Variants in CRYZL1 observed in about 807,000 individuals in gnomAD.
CRYZL1 encodes crystallin zeta like 1.
CRYZL1 carries 34 observed loss-of-function variants against 50.6 expected under a neutral mutation model. That is an observed-to-expected ratio of 0.67 (90% CI 0.51 to 0.89). CRYZL1 has a LOEUF of 0.89. Ranked by LOEUF, CRYZL1 falls within the 40% of genes least tolerant of loss-of-function variation. The pLI is 0.00. For synonymous variants in CRYZL1, 125 were observed against 134.3 expected (o/e 0.93, Z 0.48); for missense variants, 354 against 402.3 (o/e 0.88, Z 1.03).
At chr21:33,625,310 C>T (rs1368013651) in intron 2 of CRYZL1, among the ~76,000 whole-genome samples, 51 of 152,100 alleles carry the variant, frequency 3.4e-4, no homozygotes, top group African/African-American at 1.2e-3. Flanking sequence ...CACCCGCCAC[C>T]ATGCCCAGCT....
intron 6 of CRYZL1, among the ~76,000 whole-genome samples, chr21:33,603,992 C>A (rs2086783539): frequency 6.6e-6 from 1 of 152,202 alleles, no homozygotes; most frequent in South Asian, 2.1e-4. Flanking sequence ...GTGGCTCACG[C>A]CTGTAATCCC....
intron 6 of CRYZL1, among the ~76,000 whole-genome samples, chr21:33,612,845 T>G (rs80098044): frequency 6.6e-6 from 1 of 152,144 alleles, no homozygotes; most frequent in Non-Finnish European, 1.5e-5. Flanking sequence ...TCTTTTTTTT[T>G]CTTTTTTGAG....
rs1217062963 is a variant in CRYZL1, at chr21:33,620,902, C to CTTTT, written c.217+1090_217+1093dup. Among the ~76,000 whole-genome samples, 122 of 69,128 alleles carry CTTTT rather than the reference C, an allele frequency of 1.8e-3. 5 individuals are homozygous for CTTTT. The highest frequency in any genetic ancestry group is 1.9e-3 in the Non-Finnish European group (73 of 38,504). The allele number at this position is 69,128 out of a possible 152,430, so 45.4% of individuals were successfully genotyped here. The stretch of plus-strand genomic sequence containing the variant: ...TACCCGTAGACCAGGGGTGTCCAAT[C>CTTTT]TTTTTTTTTTTTTTTTTTTTTTTGA... On this transcript the variant is annotated intron_variant, in intron 4 of 12. Coordinates refer to ENST00000381554, the MANE Select transcript of CRYZL1 (RefSeq NM_145858.3).
chr21:33,639,042 AAGAT>A (rs1158742976), intron 1 of CRYZL1, among the ~76,000 whole-genome samples: 2 of 152,230 alleles, frequency 1.3e-5, no homozygotes, highest in African/African-American at 4.8e-5. Flanking sequence ...TTGAGATCTA[AAGAT>A]AGATAAAGGA....
intron 5 of CRYZL1, among the ~76,000 whole-genome samples, chr21:33,614,454 A>T (rs143292528): frequency 6.6e-6 from 1 of 152,320 alleles, no homozygotes; most frequent in Non-Finnish European, 1.5e-5. Context: ...ACACCACTGC[A>T]CTCCAGCCTG....
At chr21:33,597,549 C>T in intron 9 of CRYZL1, 148 bp from the exon 10 acceptor site, 1 of 625,090 alleles carries the variant, frequency 1.6e-6, no homozygotes, top group Non-Finnish European at 2.8e-6. Flanking sequence ...TCCAGCAATC[C>T]TCCAGCCTCA....
chr21:33,613,948 G>A (rs1189588328), intron 5 of CRYZL1, among the ~76,000 whole-genome samples: 1 of 152,118 alleles, frequency 6.6e-6, no homozygotes, highest in Non-Finnish European at 1.5e-5. Flanking sequence ...CGAGGCAGGT[G>A]AATCATGAGG....
chr21:33,618,307 A>AG (rs1212238152), intron 4 of CRYZL1, among the ~76,000 whole-genome samples: 2 of 151,586 alleles, frequency 1.3e-5, no homozygotes, highest in Non-Finnish European at 2.9e-5. Flanking sequence ...AAAAAAAAAA[A>AG]AGAAATGATA....
chr21:33,591,128 A>C, intron 12 of CRYZL1, 34 bp downstream of exon 12: 1 of 1,549,342 alleles, frequency 6.5e-7, no homozygotes. Flanking sequence ...ATAGAAAAAC[A>C]AACAAGAACA....
intron 7 of CRYZL1, 129 bp from the exon 8 acceptor site, chr21:33,602,474 A>G: frequency 2.2e-6 from 1 of 445,596 alleles, no homozygotes; most frequent in South Asian, 5.1e-5. Context: ...AATGTTATCT[A>G]ATAGGAAAAG....
intron 4 of CRYZL1, among the ~76,000 whole-genome samples, chr21:33,618,276 G>A (rs1383346913): frequency 6.0e-5 from 7 of 116,190 alleles, no homozygotes; most frequent in Non-Finnish European, 9.7e-5. Flanking sequence ...GTGACAGAGC[G>A]AGACTCCGTC....
Position 33,597,904 on chromosome 21 carries a change from G to A in CRYZL1, c.677-503C>T, listed in dbSNP as rs533032281. Among the ~76,000 whole-genome samples the A allele has an allele frequency of 4.3e-3, 651 of 152,158 alleles. 6 individuals carry two copies. Among genetic ancestry groups the A allele is most frequent in the African/African-American group, 0.015 (616 of 41,520 alleles). ...GCTGGGATTACAGGCATGAGCCACA[G>A]CACCCAGCCCTCCTTACTTTTTAAT... On this transcript the variant is annotated intron_variant, in intron 9 of 12. Transcript: ENST00000381554.
At chr21:33,634,880 A>ATATATATATATAT (rs1491448633) in intron 1 of CRYZL1, among the ~76,000 whole-genome samples, 2 of 144,400 alleles carry the variant, frequency 1.4e-5, no homozygotes. Context: ...CAACAACAAC[A>ATATATATATATAT]ATATATATAT....
intron 5 of CRYZL1, among the ~76,000 whole-genome samples, chr21:33,615,308 C>T (rs939653775): frequency 4.0e-5 from 6 of 151,870 alleles, no homozygotes; most frequent in African/African-American, 9.7e-5. Flanking sequence ...TGTGCCACCA[C>T]GCCTGGCTAA....
At chr21:33,630,852 T>C (rs937204072) in intron 2 of CRYZL1, among the ~76,000 whole-genome samples, 3 of 152,228 alleles carry the variant, frequency 2.0e-5, no homozygotes, top group Non-Finnish European at 2.9e-5. Context: ...AAAATGTGGA[T>C]GAATCTTGAG....
chr21:33,638,164 T>C lies in CRYZL1; in HGVS notation c.-7+3517A>G, dbSNP rs888177498. On this transcript the variant is annotated intron_variant, in intron 1 of 12. Coordinates refer to ENST00000381554, the MANE Select transcript of CRYZL1 (RefSeq NM_145858.3). ...ACTAGCTGGAGGTTTGGCTCAAATA[T>C]ATTCTGCAGGGTGTGGAGGATGGTA... Among the ~76,000 whole-genome samples, 38 of 151,666 alleles carry C rather than the reference T, an allele frequency of 2.5e-4. No individual in the cohort carries two copies. In the Middle Eastern group the frequency reaches 0.01, roughly 42 times the overall value.
At position 33,613,623 on chromosome 21, in the gene CRYZL1, G is replaced by T. The variant is rs1477214462; in HGVS notation, c.263-17C>A. ...GCAAAATTCCTAAAAATCAAAACAA[G>T]AAATTAAAGGGATGTAAGTCAAAAA... On this transcript the variant is annotated splice_polypyrimidine_tract_variant and intron_variant, in intron 5 of 12. Coordinates refer to ENST00000381554, the MANE Select transcript of CRYZL1 (RefSeq NM_145858.3). 1 of 1,573,202 alleles carries T rather than the reference G, an allele frequency of 6.4e-7. No individual in the cohort carries two copies. The highest frequency in any genetic ancestry group is 1.1e-5 in the South Asian group (1 of 89,906).
intron 11 of CRYZL1, among the ~76,000 whole-genome samples, chr21:33,593,753 C>T (rs749593566): frequency 1.1e-4 from 17 of 151,988 alleles, no homozygotes; most frequent in Non-Finnish European, 1.5e-4. Flanking sequence ...GAGGCTGAGG[C>T]GTGTGGATCA....
At chr21:33,636,935 T>C (rs1439602244) in intron 1 of CRYZL1, among the ~76,000 whole-genome samples, 1 of 152,048 alleles carries the variant, frequency 6.6e-6, no homozygotes, top group Non-Finnish European at 1.5e-5. Flanking sequence ...GCTTCCCGAG[T>C]AGCTGGGACT....
Sources: gnomAD v4.1 joint callset for allele counts (sites outside exome capture counted in the v4.1 genomes callset) on GRCh38, gnomAD v4.1.1 for gene constraint, MANE v1.5 for transcripts, NCBI Gene and HGNC (gene_info 2026-07-23, HGNC 2026-07-21) for gene names.